The following MCMBP variants were observed in gnomAD, a reference collection of about 807,000 sequenced individuals.
MCMBP encodes the protein mini-chromosome maintenance complex-binding protein.
MCMBP carries 31 observed loss-of-function variants against 81.3 expected under a neutral mutation model. That is an observed-to-expected ratio of 0.38 (90% CI 0.29 to 0.51). The LOEUF is 0.51. Among genes scored for constraint, MCMBP ranks in the 20% least tolerant of loss-of-function variants. The probability of loss-of-function intolerance (pLI) is 0.87; values close to 1 mark genes in which losing one functional copy is unlikely to be tolerated. For missense variants in MCMBP, 645 were observed against 772.1 expected, an observed-to-expected ratio of 0.84 and a Z score of 1.95; for synonymous variants, 267 against 275.9, an observed-to-expected ratio of 0.97 and a Z score of 0.32.
intron 11 of MCMBP, 132 bp from the exon 12 acceptor site, chr10:119,838,832 G>A (rs960062115): frequency 5.4e-6 from 4 of 733,960 alleles, no homozygotes; most frequent in African/African-American, 5.3e-5. Flanking sequence ...TAGTGATATG[G>A]TTTCTTGAAC....
chr10:119,850,355 GTAGT>G (rs957573792), intron 6 of MCMBP, among the ~76,000 whole-genome samples: 13 of 152,282 alleles, frequency 8.5e-5, no homozygotes, highest in Admixed American at 4.6e-4. Context: ...CAGGAGAGTG[GTAGT>G]TAGGAGCATA....
chr10:119,861,081 G>C (rs1207619508), intron 1 of MCMBP, among the ~76,000 whole-genome samples: 1 of 152,168 alleles, frequency 6.6e-6, no homozygotes, highest in Non-Finnish European at 1.5e-5. Flanking sequence ...CACACAGCTG[G>C]CCAATCCTGC....
intron 8 of MCMBP, among the ~76,000 whole-genome samples, chr10:119,847,276 T>C (rs1398151949): frequency 1.3e-5 from 2 of 152,194 alleles, no homozygotes; most frequent in African/African-American, 2.4e-5. Context: ...AAATTAAGTA[T>C]AGATTGTGGA....
intron 13 of MCMBP, among the ~76,000 whole-genome samples, chr10:119,836,065 C>T (rs1428207104): frequency 6.6e-6 from 1 of 152,198 alleles, no homozygotes; most frequent in African/African-American, 2.4e-5. Flanking sequence ...AAGTTCTGGG[C>T]TCACGCAATC....
chr10:119,864,363 G>T (rs1853374139), intron 1 of MCMBP, among the ~76,000 whole-genome samples: 1 of 152,130 alleles, frequency 6.6e-6, no homozygotes, highest in South Asian at 2.1e-4. Flanking sequence ...TAATACAGTG[G>T]TTTTTGAGGA....
chr10:119,838,740 T>G, intron 11 of MCMBP, 40 bp from the exon 12 acceptor site: 2 of 1,545,596 alleles, frequency 1.3e-6, no homozygotes, highest in South Asian at 2.4e-5. Flanking sequence ...AATTTAAGTT[T>G]CCCTGTTTTA....
Position 119,872,628 on chromosome 10 carries a change from C to T in MCMBP, c.-44G>A. The T allele has an allele frequency of 8.9e-7, 1 of 1,117,712 alleles. No individual in the cohort carries two copies. Among genetic ancestry groups the T allele is most frequent in the Non-Finnish European group, 1.1e-6 (1 of 902,692 alleles). The allele number at this position is 1,117,712 out of a possible 1,614,324, so 69.2% of individuals were successfully genotyped here. A position where few individuals can be genotyped will look rare whatever the true frequency, so the allele number is the denominator to read the frequency against. On this transcript the variant is annotated 5_prime_UTR_variant, in exon 1 of 16. Coordinates refer to ENST00000369077, the MANE Select transcript of MCMBP (RefSeq NM_001256378.2). Reference sequence around the variant, plus strand: ...CGGCGAAGACCGGGCGGAGGCGATCCGCGGGCCGAGCGCGGCCGGGCGGCC... The same window carrying T: ...CGGCGAAGACCGGGCGGAGGCGATCTGCGGGCCGAGCGCGGCCGGGCGGCC...
chr10:119,840,778 A>G, intron 11 of MCMBP, 65 bp downstream of exon 11: 1 of 909,466 alleles, frequency 1.1e-6, no homozygotes, highest in Non-Finnish European at 1.7e-6. Context: ...GAAGTGAATG[A>G]AAGACAGTTA....
At chr10:119,831,903 G>A (rs1852056836) in intron 15 of MCMBP, 109 bp downstream of exon 15, 16 of 1,185,292 alleles carry the variant, frequency 1.3e-5, no homozygotes, top group Middle Eastern at 2.0e-4. Flanking sequence ...GTTTTTAAAA[G>A]GAAAAGTTCA....
intron 5 of MCMBP, 87 bp from the exon 6 acceptor site, chr10:119,853,281 G>T: frequency 7.3e-7 from 1 of 1,371,264 alleles, no homozygotes; most frequent in Non-Finnish European, 1.0e-6. Flanking sequence ...AAAATTACTA[G>T]TTTGGCAATT....
chr10:119,837,162 T>A, intron 12 of MCMBP, 133 bp from the exon 13 acceptor site: 1 of 875,898 alleles, frequency 1.1e-6, no homozygotes, highest in Non-Finnish European at 1.7e-6. Flanking sequence ...TCCAGTTTAC[T>A]AAGCTAAACG....
In MCMBP at chr10:119,831,338, T is replaced by TAC. The variant is rs28362484; in HGVS notation, c.*134_*135dup. The TAC allele has an allele frequency of 0.067, 68,280 of 1,013,758 alleles. 4,055 individuals are homozygous for TAC. The highest frequency in any genetic ancestry group is 0.24 in the South Asian group (14,648 of 60,586). The allele number at this position is 1,013,758 out of a possible 1,614,324, so 62.8% of individuals were successfully genotyped here. ...TGAATATCATATAAACATCAGGTGT[T>TAC]ACCAGGCTTGATTTCAGGAAATGTC... On this transcript the variant is annotated 3_prime_UTR_variant, in exon 16 of 16. Coordinates refer to ENST00000369077, the MANE Select transcript of MCMBP (RefSeq NM_001256378.2).
In MCMBP at chr10:119,831,005, C is replaced by A. The variant is rs191589781; in HGVS notation, c.*469G>T. 6.6e-6 allele frequency: 1 copy of A among 152,326 alleles called. No individual in the cohort carries two copies. The highest frequency in any genetic ancestry group is 1.5e-5 in the Non-Finnish European group (1 of 68,180). The allele number at this position is 152,326 out of a possible 1,614,324, so 9.4% of individuals were successfully genotyped here. ...TGTGAATCAATGGCAAGTACGCCTC[C>A]GTTCCCCAAAGATGGACTACTGAAT... On this transcript the variant is annotated 3_prime_UTR_variant, in exon 16 of 16. Transcript: ENST00000369077.
chr10:119,831,862 G>T, intron 15 of MCMBP, 150 bp downstream of exon 15: 2 of 817,018 alleles, frequency 2.4e-6, no homozygotes, highest in Non-Finnish European at 3.8e-6. Context: ...AGCCAAACTC[G>T]ATTCCCCCTC....
rs776131996 is a variant in MCMBP at position 119,852,293 on chromosome 10, TACTCGAATATATTACAA to T, written c.574+740_574+756del. Among the ~76,000 whole-genome samples the T allele has an allele frequency of 5.4e-4, 82 of 150,608 alleles. 3 individuals carry two copies. The highest frequency in any genetic ancestry group is 3.4e-3 in the Middle Eastern group (1 of 292). On this transcript the variant is annotated intron_variant, in intron 6 of 15. Transcript: ENST00000369077. ...GTGCTGAAGGGAAGTGGATAGCACA[TACTCGAATATATTACAA>T]ACTCGAATATATTACAAATATAAAG...
chr10:119,854,457 CT>C (rs1647435281), intron 5 of MCMBP, among the ~76,000 whole-genome samples: 2 of 151,176 alleles, frequency 1.3e-5, no homozygotes, highest in African/African-American at 4.9e-5. Context: ...AATCCTAGTG[CT>C]TTGGGAGGCT....
intron 13 of MCMBP, 52 bp downstream of exon 13, chr10:119,836,844 T>G: frequency 7.2e-7 from 1 of 1,385,924 alleles, no homozygotes. Flanking sequence ...AGCAAAAATG[T>G]AGGTATTTTT....
rs1432872045 is a variant in MCMBP, at chr10:119,830,047, T to TCAA, written c.*1424_*1426dup. The TCAA allele has an allele frequency of 6.6e-6, 1 of 152,632 alleles. No individual in the cohort carries two copies. Among genetic ancestry groups the TCAA allele is most frequent in the African/African-American group, 2.4e-5 (1 of 41,450 alleles). 9.5% of individuals were successfully genotyped at this position (152,632 alleles called of 1,614,324 possible). A position where few individuals can be genotyped will look rare whatever the true frequency, so the allele number is the denominator to read the frequency against. On this transcript the variant is annotated 3_prime_UTR_variant, in exon 16 of 16. Transcript: ENST00000369077. ...ACCAGTTATAAAAATGAAAACCAGT[T>TCAA]CAACTCTAATATAAACATTATTTAC...
intron 8 of MCMBP, among the ~76,000 whole-genome samples, chr10:119,843,789 G>A (rs1286536696): frequency 6.6e-6 from 1 of 152,084 alleles, no homozygotes; most frequent in Non-Finnish European, 1.5e-5. Context: ...AGCCTCCTGA[G>A]TAGCTGAGAT....
Sources: allele counts gnomAD v4.1 joint callset (sites outside exome capture counted in the v4.1 genomes callset), GRCh38; gene constraint gnomAD v4.1.1; transcripts MANE v1.5; gene names NCBI Gene and HGNC (gene_info 2026-07-23, HGNC 2026-07-21).